NSD2: variants seen among roughly 807,000 people sequenced by gnomAD.
NSD2 encodes the protein nuclear receptor binding SET domain protein 2, also known as histone-lysine N-methyltransferase NSD2.
A neutral mutation model predicts 139.0 loss-of-function variants in NSD2; 12 were observed. That is an observed-to-expected ratio of 0.09 (90% CI 0.06 to 0.14). NSD2 has a LOEUF of 0.14. Ranked by LOEUF, NSD2 falls within the 10% of genes least tolerant of loss-of-function variation. The pLI is 1.00. For synonymous variants in NSD2, 669 were observed against 648.7 expected, an observed-to-expected ratio of 1.03 and a Z score of -0.48; for missense variants, 1,155 against 1,745.0, an observed-to-expected ratio of 0.66 and a Z score of 6.02.
intron 20 of NSD2, chr4:1,975,652 T>C (rs1277202575): frequency 4.1e-6 from 2 of 485,682 alleles, no homozygotes; most frequent in Non-Finnish European, 3.7e-6. Flanking sequence ...CAGTTCTGGG[T>C]GTGGGCAGGG....
intron 1 of NSD2, among the ~76,000 whole-genome samples, chr4:1,882,893 A>G (rs915884002): frequency 1.7e-4 from 26 of 152,134 alleles, no homozygotes; most frequent in Non-Finnish European, 3.4e-4. Context: ...TGTGTCCTTC[A>G]TGTGATTCTG....
chr4:1,976,799 A>C lies in NSD2; in HGVS notation c.3826+120A>C. 9.3e-7 allele frequency: 1 copy of C among 1,080,498 alleles called. No homozygotes were observed. The highest frequency in any genetic ancestry group is 1.3e-6 in the Non-Finnish European group (1 of 770,048). 66.9% of individuals were successfully genotyped at this position (1,080,498 alleles called of 1,614,324 possible). A position where few individuals can be genotyped will look rare whatever the true frequency, so the allele number is the denominator to read the frequency against. On this transcript the variant is annotated intron_variant, in intron 21 of 21. Coordinates refer to ENST00000508803, the MANE Select transcript of NSD2 (RefSeq NM_001042424.3). This position sits in a 1 kb window ranked among gnomAD's most constrained non-coding sequence, Gnocchi z 5.3. ...CTGGGTGCAGGCACATCAGGCGCTC[A>C]TGCAGCGAAGGCCCTGATCCAGGGT...
intron 3 of NSD2, among the ~76,000 whole-genome samples, chr4:1,909,958 A>G (rs571793696): frequency 6.6e-6 from 1 of 151,898 alleles, no homozygotes; most frequent in African/African-American, 2.4e-5. Context: ...AAAAAAAAAA[A>G]TTATTTATCA....
At chr4:1,950,284 G>A (rs1415662998) in intron 9 of NSD2, among the ~76,000 whole-genome samples, 1 of 152,126 alleles carries the variant, frequency 6.6e-6, no homozygotes, top group East Asian at 1.9e-4. Flanking sequence ...TAAATGAAGG[G>A]GAGAGAGAGG....
chr4:1,894,219 A>G (rs928405461), intron 1 of NSD2, among the ~76,000 whole-genome samples: 4 of 152,122 alleles, frequency 2.6e-5, no homozygotes, highest in African/African-American at 9.7e-5. Flanking sequence ...AGCCTCCCAA[A>G]GTGGTGGGAT....
rs1714225185 is a variant in NSD2, at chr4:1,875,943, C to T, written c.-30+4401C>T. Among the ~76,000 whole-genome samples the T allele has an allele frequency of 3.3e-5, 5 of 150,294 alleles. No homozygotes were observed. In the South Asian group the frequency reaches 6.3e-4, roughly 19 times the overall value. ...ATTCAAGACAGATTTTGGCTGGGTG[C>T]GGTGGCTCAAGCTTGTAATCCCAGC... On this transcript the variant is annotated intron_variant, in intron 1 of 21. Coordinates refer to ENST00000508803, the MANE Select transcript of NSD2 (RefSeq NM_001042424.3).
chr4:1,908,355 C>T (rs1267534516), intron 3 of NSD2, among the ~76,000 whole-genome samples: 1 of 152,232 alleles, frequency 6.6e-6, no homozygotes, highest in Admixed American at 6.5e-5. Flanking sequence ...TGGCCTGCCT[C>T]ACCTCAGCAG....
chr4:1,940,507 C>G (rs2108900401), intron 9 of NSD2: 2 of 1,064,460 alleles, frequency 1.9e-6, no homozygotes, highest in East Asian at 5.0e-5. Flanking sequence ...AGGTGTGACA[C>G]TTTTTTGTTC....
At position 1,930,424 on chromosome 4, in the gene NSD2, C is replaced by G. The variant is rs559247486; in HGVS notation, c.1411-202C>G. The stretch of plus-strand genomic sequence containing the variant: ...TTGAATTGTTTTCACTGGCACTATT[C>G]TAATTTATGAGTTTTCATTGAGTCA... On this transcript the variant is annotated intron_variant, in intron 5 of 21. Transcript: ENST00000508803. Among the ~76,000 whole-genome samples, 5 of 152,250 alleles carry G rather than the reference C, an allele frequency of 3.3e-5. No homozygotes were observed. In the East Asian group the frequency reaches 7.7e-4, roughly 23 times the overall value.
intron 5 of NSD2, among the ~76,000 whole-genome samples, chr4:1,927,586 G>A (rs553995498): frequency 8.6e-5 from 13 of 151,884 alleles, no homozygotes; most frequent in Non-Finnish European, 1.3e-4. Context: ...AGGTGTGGTG[G>A]TGCATGCCTA....
chr4:1,882,150 C>T (rs1250908282), intron 1 of NSD2, among the ~76,000 whole-genome samples: 1 of 152,136 alleles, frequency 6.6e-6, no homozygotes, highest in Non-Finnish European at 1.5e-5. Context: ...AATCTGTGGT[C>T]ACTCTGTTCA....
intron 1 of NSD2, among the ~76,000 whole-genome samples, chr4:1,886,640 G>T (rs1349672606): frequency 1.3e-5 from 2 of 152,076 alleles, no homozygotes; most frequent in African/African-American, 4.8e-5. Context: ...GACCATCCTA[G>T]CCAACGTGGT....
chr4:1,971,946 A>C (rs772656534), intron 18 of NSD2, among the ~76,000 whole-genome samples: 2 of 152,226 alleles, frequency 1.3e-5, no homozygotes, highest in Non-Finnish European at 2.9e-5. Context: ...GCTGATGCTC[A>C]GTGAGCCAGA....
chr4:1,981,809 T>G lies in NSD2; in HGVS notation c.*2900T>G, dbSNP rs983333974. 1 of 398,534 alleles carries G rather than the reference T, an allele frequency of 2.5e-6. No individual in the cohort carries two copies. Among genetic ancestry groups the G allele is most frequent in the African/African-American group, 2.1e-5 (1 of 48,612 alleles). 24.7% of individuals were successfully genotyped at this position (398,534 alleles called of 1,614,324 possible). A position where few individuals can be genotyped will look rare whatever the true frequency, so the allele number is the denominator to read the frequency against. On this transcript the variant is annotated 3_prime_UTR_variant, in exon 22 of 22. Transcript: ENST00000508803. Reference sequence around the variant, plus strand: ...TCAAGTTAATGCAAATGACTGTCAGTTGCCAAATATCTTGATCCTATGAGT... The same window carrying G: ...TCAAGTTAATGCAAATGACTGTCAGGTGCCAAATATCTTGATCCTATGAGT...
At chr4:1,945,616 C>G in intron 9 of NSD2, 1 of 1,064,792 alleles carries the variant, frequency 9.4e-7, no homozygotes, top group Non-Finnish European at 1.1e-6. Flanking sequence ...GGGCTGTGAG[C>G]TGGGCTTCTG....
intron 1 of NSD2, among the ~76,000 whole-genome samples, chr4:1,877,488 TTGTG>T (rs1410727278): frequency 2.0e-5 from 3 of 152,194 alleles, no homozygotes; most frequent in Admixed American, 6.5e-5. Context: ...CTCTGGGCCT[TTGTG>T]TGGTCAATTT....
At chr4:1,936,667 CAA>C (rs879590049) in intron 7 of NSD2, among the ~76,000 whole-genome samples, 546 of 52,474 alleles carry the variant, frequency 0.01, 1 homozygote, top group African/African-American at 0.029. Flanking sequence ...GACTCCATCT[CAA>C]AAAAAAAAAA....
At chr4:1,927,205 A>C (rs1721023596) in intron 5 of NSD2, among the ~76,000 whole-genome samples, 2 of 152,114 alleles carry the variant, frequency 1.3e-5, no homozygotes, top group Admixed American at 6.6e-5. Context: ...CTTTCTCCAG[A>C]GTAAGTGATC....
rs201402470 is a variant in NSD2 at position 1,918,455 on chromosome 4, T to C, written c.1242T>C (p.Ser414=). The stretch of plus-strand genomic sequence containing the variant: ...GTAGCTCTGCAGAGACCCTGGAGAG[T>C]CACCCCGACATAGGGAAGAGTACTC... ...KLCSSAETLE[S]HPDIGKSTPQ... Residue 414 remains serine, a synonymous_variant, in exon 5 of 22, where the codon AGT becomes AGC. Transcript: ENST00000508803. 22 of 1,613,604 alleles carry C rather than the reference T, an allele frequency of 1.4e-5. No homozygotes were observed. Among genetic ancestry groups the C allele is most frequent in the Admixed American group, 1.3e-4 (8 of 59,968 alleles).
Sources: allele counts gnomAD v4.1 joint callset (sites outside exome capture counted in the v4.1 genomes callset), GRCh38; gene constraint gnomAD v4.1.1; non-coding constraint Gnocchi (gnomAD v3.1); transcripts MANE v1.5; gene names NCBI Gene and HGNC (gene_info 2026-07-23, HGNC 2026-07-21).